Variants in ABCA1 observed in about 807,000 individuals in gnomAD.
ABCA1 encodes the protein phospholipid-transporting ATPase ABCA1.
ABCA1 carries 133 observed loss-of-function variants against 262.5 expected under a neutral mutation model. That is an observed-to-expected ratio of 0.51 (90% CI 0.44 to 0.59). The LOEUF is 0.59. ABCA1 is among the 20% of genes least tolerant of loss of function. The probability of loss-of-function intolerance (pLI) is 0.00; values close to 1 mark genes in which losing one functional copy is unlikely to be tolerated. For synonymous variants in ABCA1, 1,022 were observed against 1,043.5 expected, an observed-to-expected ratio of 0.98 and a Z score of 0.40; for missense variants, 2,452 against 2,777.5, an observed-to-expected ratio of 0.88 and a Z score of 2.63.
At chr9:104,793,393 C>T (rs1404693816) in intron 40 of ABCA1, 93 bp from the exon 41 acceptor site, 29 of 1,534,166 alleles carry the variant, frequency 1.9e-5, no homozygotes, top group South Asian at 4.6e-5. Flanking sequence ...TAAAATTCAC[C>T]GATCTTCCAA....
intron 1 of ABCA1, among the ~76,000 whole-genome samples, chr9:104,912,424 G>A (rs1297724625): frequency 2.0e-5 from 3 of 152,042 alleles, no homozygotes; most frequent in Admixed American, 2.0e-4. Flanking sequence ...AATAAATAAG[G>A]AGATCCTAAA....
intron 36 of ABCA1, 91 bp from the exon 37 acceptor site, chr9:104,798,689 C>G (rs983715755): frequency 9.4e-7 from 1 of 1,067,738 alleles, no homozygotes; most frequent in South Asian, 1.3e-5. Context: ...CAAACACACA[C>G]GTACACACAC....
Position 104,837,419 on chromosome 9 carries a change from G to A in ABCA1, c.1194+9C>T. On this transcript the variant is annotated intron_variant, in intron 10 of 49. Transcript: ENST00000374736. The stretch of plus-strand genomic sequence containing the variant: ...CTGGGGAGGGAGTCTTGGGCTGGGG[G>A]CAGCTTACCTCAGCCATGACCTGCC... The A allele has an allele frequency of 1.2e-6, 2 of 1,613,932 alleles. No homozygotes were observed. Among genetic ancestry groups the A allele is most frequent in the Non-Finnish European group, 8.5e-7 (1 of 1,179,896 alleles).
In ABCA1 at chr9:104,804,668, G is replaced by A. The variant is rs137854497; in HGVS notation, c.4517C>T (p.Ser1506Leu). 6.2e-6 allele frequency: 10 copies of A among 1,614,170 alleles called. No individual in the cohort carries two copies. The highest frequency in any genetic ancestry group is 8.5e-6 in the Non-Finnish European group (10 of 1,180,026). The part of the protein sequence containing the change: ...ILQDLTGRNI[S>L]DYLVKTYVQI... ...CACATACGTCTTCACCAGATAATCCGAAATGTTTCTTCCTGTCAGGTCCTG... is the reference window on the plus strand; with the variant it reads ...CACATACGTCTTCACCAGATAATCCAAAATGTTTCTTCCTGTCAGGTCCTG... Residue 1506 changes from serine (S) to leucine (L), a missense_variant, in exon 32 of 50, where the codon TCG becomes TTG. By Grantham distance (145) the Ser-to-Leu change is moderately radical. Around this residue, in one of 4 missense-constraint regions of ABCA1, gnomAD observed 752 missense variants for 944.5 expected, o/e 0.80. Transcript: ENST00000374736.
At chr9:104,886,675 T>C (rs975390637) in intron 3 of ABCA1, among the ~76,000 whole-genome samples, 1 of 152,204 alleles carries the variant, frequency 6.6e-6, no homozygotes, top group Admixed American at 6.5e-5. Context: ...GGTTATCCCT[T>C]AGCAGGGGTG....
intron 22 of ABCA1, among the ~76,000 whole-genome samples, chr9:104,819,084 A>G (rs1003900861): frequency 6.6e-6 from 1 of 152,248 alleles, no homozygotes; most frequent in Admixed American, 6.5e-5. Flanking sequence ...AGGTAAGAAC[A>G]GTAGCATTTT....
At chr9:104,860,053 C>CAA (rs200596186) in intron 6 of ABCA1, among the ~76,000 whole-genome samples, 8,533 of 62,570 alleles carry the variant, frequency 0.14, 1,049 homozygotes, top group African/African-American at 0.32. Flanking sequence ...GACTCCAACT[C>CAA]AAAAAAAAAA....
chr9:104,808,572 C>T lies in ABCA1; in HGVS notation c.4274+894G>A, dbSNP rs1286408767. On this transcript the variant is annotated intron_variant, in intron 30 of 49. Transcript: ENST00000374736. ...TACTAACAAGTATTTAGTAACTATC[C>T]AATACTAATTAAGAACAAACAAGCA... 2.0e-5 allele frequency among the ~76,000 whole-genome samples: 3 copies of T among 152,100 alleles called. No individual in the cohort carries two copies. In the East Asian group the frequency reaches 5.8e-4, roughly 29 times the overall value.
At chr9:104,825,908 C>T (rs1023391397) in intron 16 of ABCA1, 21 bp from the exon 17 acceptor site, 1 of 1,612,380 alleles carries the variant, frequency 6.2e-7, no homozygotes, top group South Asian at 1.1e-5. Context: ...CAGGCAAAGT[C>T]ACCTATCCAT....
Position 104,861,726 on chromosome 9 carries a change from T to C in ABCA1, c.496A>G (p.Lys166Glu), listed in dbSNP as rs1372010376. ...GFLYHNLSLP[K>E]STVDKMLRAD... ...CTCAGCATCTTGTCCACAGTAGACTTTGGGAGAGAGAGGTTGTGATACAGG... is the reference window on the plus strand; with the variant it reads ...CTCAGCATCTTGTCCACAGTAGACTCTGGGAGAGAGAGGTTGTGATACAGG... Residue 166 changes from lysine to glutamate, a missense_variant, in exon 6 of 50, where the codon AAG becomes GAG. Lys to Glu is a moderately conservative substitution (Grantham distance 56). Around this residue, in one of 4 missense-constraint regions of ABCA1, gnomAD observed 1,032 missense variants for 1,089.7 expected, o/e 0.95. Coordinates refer to ENST00000374736, the MANE Select transcript of ABCA1 (RefSeq NM_005502.4). 4.3e-6 allele frequency: 7 copies of C among 1,613,778 alleles called. No individual in the cohort carries two copies. The highest frequency in any genetic ancestry group is 4.5e-5 in the East Asian group (2 of 44,886).
intron 9 of ABCA1, among the ~76,000 whole-genome samples, chr9:104,838,919 T>A (rs2033567733): frequency 6.6e-6 from 1 of 152,108 alleles, no homozygotes; most frequent in Non-Finnish European, 1.5e-5. Context: ...TGGGATTTAA[T>A]TAAAGTTGCC....
intron 5 of ABCA1, among the ~76,000 whole-genome samples, chr9:104,878,815 A>C (rs970700044): frequency 3.3e-5 from 5 of 152,324 alleles, no homozygotes; most frequent in African/African-American, 1.2e-4. Context: ...AGAGTATTTG[A>C]GTAGAGATCC....
At chr9:104,825,029 T>C (rs1234624225) in intron 17 of ABCA1, among the ~76,000 whole-genome samples, 4 of 152,238 alleles carry the variant, frequency 2.6e-5, no homozygotes, top group African/African-American at 7.2e-5. Flanking sequence ...TGATCTCATA[T>C]GAAAACTGTC....
In ABCA1 at chr9:104,814,475, T is replaced by C. The variant is rs1831552904; in HGVS notation, c.3739A>G (p.Ile1247Val). ...CTCTCTTCGGCCACCTTGAGGAATA[T>C]CTGGAAAATGAGAGAGATGAGAACA... ...YGISETTLEE[I>V]FLKVAEESGV... Residue 1247 changes from isoleucine (I) to valine (V), a missense_variant and splice_region_variant, in exon 26 of 50, where the codon ATA (isoleucine) becomes GTA (valine). Physicochemically the swap from Ile to Val is conservative, Grantham distance 29. This residue lies in a region of ABCA1 where 665 missense variants were observed against 727.3 expected (regional missense o/e 0.91). Transcript: ENST00000374736. 2 of 1,614,088 alleles carry C rather than the reference T, an allele frequency of 1.2e-6. No homozygotes were observed. Among genetic ancestry groups the C allele is most frequent in the Non-Finnish European group, 1.7e-6 (2 of 1,179,970 alleles).
intron 14 of ABCA1, 73 bp downstream of exon 14, chr9:104,830,840 CATGCATGCACAT>C: frequency 6.9e-7 from 1 of 1,448,132 alleles, no homozygotes; most frequent in Non-Finnish European, 9.7e-7. Context: ...ATCATTCACA[CATGCATGCACAT>C]GCACACACAT....
intron 5 of ABCA1, among the ~76,000 whole-genome samples, chr9:104,862,699 C>CAG (rs1836713677): frequency 1.2e-4 from 1 of 8,456 alleles, no homozygotes; most frequent in African/African-American, 6.9e-4. Flanking sequence ...CGGGCCGGGC[C>CAG]GGCCCCCACC....
chr9:104,784,352 AAAGAT>A lies in ABCA1; in HGVS notation c.6744_6748del (p.Phe2250ThrfsTer3). 2.5e-6 allele frequency: 4 copies of A among 1,614,102 alleles called. No homozygotes were observed. The highest frequency in any genetic ancestry group is 3.4e-6 in the Non-Finnish European group (4 of 1,179,998). On this transcript the variant is annotated frameshift_variant, in exon 50 of 50. Transcript: ENST00000374736. LOFTEE classifies it high-confidence loss of function. The stretch of plus-strand genomic sequence containing the variant: ...TTCTTTCACTTTCTCATCCTGTAGA[AAAGAT>A]GTGAGAACTGCAACGTCCACTACTG...
chr9:104,803,193 GACAA>G, intron 33 of ABCA1, 87 bp downstream of exon 33: 2 of 1,447,370 alleles, frequency 1.4e-6, no homozygotes, highest in Non-Finnish European at 1.9e-6. Flanking sequence ...GTGTGTGAGT[GACAA>G]ACAATCCCCA....
intron 1 of ABCA1, among the ~76,000 whole-genome samples, chr9:104,922,626 C>T (rs73664383): frequency 0.028 from 4,285 of 152,220 alleles, 200 homozygotes; most frequent in African/African-American, 0.098. Flanking sequence ...ACTATTTTTA[C>T]CAAGAGGTGT....
Sources: allele counts gnomAD v4.1 joint callset (sites outside exome capture counted in the v4.1 genomes callset), GRCh38; gene constraint gnomAD v4.1.1; regional missense constraint gnomAD v4.1.1; transcripts MANE v1.5; gene names NCBI Gene and HGNC (gene_info 2026-07-23, HGNC 2026-07-21).